The following MBOAT1 variants were observed in gnomAD, a reference collection of about 807,000 sequenced individuals.
The protein encoded by MBOAT1 is membrane bound glycerophospholipid O-acyltransferase 1.
MBOAT1 carries 67 observed loss-of-function variants against 64.4 expected under a neutral mutation model. The observed-to-expected ratio is 1.04, with a 90% confidence interval of 0.85 to 1.27. The LOEUF (loss-of-function observed/expected upper bound fraction) is 1.27. MBOAT1 is among the 50% of genes most tolerant of loss of function. The pLI is 0.00. For synonymous variants in MBOAT1, 229 were observed against 218.9 expected, an observed-to-expected ratio of 1.05 and a Z score of -0.41; for missense variants, 563 against 604.6, an observed-to-expected ratio of 0.93 and a Z score of 0.72.
intron 1 of MBOAT1, among the ~76,000 whole-genome samples, chr6:20,180,675 G>A (rs79074780): frequency 0.059 from 8,925 of 152,198 alleles, 855 homozygotes; most frequent in African/African-American, 0.2. Context: ...AACCTCATGA[G>A]AATTGCTGGA....
chr6:20,119,300 G>A (rs1229072675), intron 8 of MBOAT1, among the ~76,000 whole-genome samples: 2 of 152,140 alleles, frequency 1.3e-5, no homozygotes, highest in South Asian at 4.2e-4. Flanking sequence ...TTCTCCTGCC[G>A]GGAATATTTC....
intron 9 of MBOAT1, 72 bp from the exon 10 acceptor site, chr6:20,115,424 T>C (rs1316611052): frequency 7.9e-7 from 1 of 1,265,892 alleles, no homozygotes; most frequent in African/African-American, 1.5e-5. Context: ...CTCCCCAGTT[T>C]CCCTGGCAGC....
chr6:20,192,142 T>C (rs9460467), intron 1 of MBOAT1, among the ~76,000 whole-genome samples: 10,286 of 152,254 alleles, frequency 0.068, 606 homozygotes, highest in African/African-American at 0.16. Context: ...GTTTACCTGA[T>C]AAAAAGTCAT....
chr6:20,147,638 C>CAA (rs764732647), intron 3 of MBOAT1, among the ~76,000 whole-genome samples: 8 of 96,190 alleles, frequency 8.3e-5, no homozygotes, highest in African/African-American at 1.4e-4. Context: ...AACTCCGTCT[C>CAA]AAAAAAAAAA....
At position 20,111,869 on chromosome 6, in the gene MBOAT1, C is replaced by CGT. The variant is rs1554115582; in HGVS notation, c.1209+1006_1209+1007insAC. On this transcript the variant is annotated intron_variant, in intron 11 of 12. Transcript: ENST00000324607. Reference sequence around the variant, plus strand: ...ATACATATATATATACATATATATACATATATATATGTATATATATATATT... The same window carrying CGT: ...ATACATATATATATACATATATATACGTATATATATATGTATATATATATATT... 1.4e-3 allele frequency among the ~76,000 whole-genome samples: 175 copies of CGT among 124,166 alleles called. 1 individual carries two copies. The highest frequency in any genetic ancestry group is 4.6e-3 in the African/African-American group (117 of 25,594). 81.5% of individuals were successfully genotyped at this position (124,166 alleles called of 152,430 possible). A position where few individuals can be genotyped will look rare whatever the true frequency, so the allele number is the denominator to read the frequency against.
intron 4 of MBOAT1, among the ~76,000 whole-genome samples, chr6:20,137,934 C>T (rs555280935): frequency 1.3e-5 from 2 of 152,134 alleles, no homozygotes; most frequent in Non-Finnish European, 2.9e-5. Flanking sequence ...TGACAAAATC[C>T]GAAACAAGAT....
intron 1 of MBOAT1, among the ~76,000 whole-genome samples, chr6:20,189,272 G>C (rs759997420): frequency 7.2e-5 from 11 of 152,120 alleles, no homozygotes; most frequent in Non-Finnish European, 1.6e-4. Context: ...CTCTTCAGTT[G>C]AATAAAAAAC....
chr6:20,183,726 G>T (rs78833526), intron 1 of MBOAT1, among the ~76,000 whole-genome samples: 2 of 152,162 alleles, frequency 1.3e-5, no homozygotes, highest in East Asian at 1.9e-4. Flanking sequence ...TGCCCAAAAG[G>T]CTTGCCAGCC....
At chr6:20,107,332 A>G (rs1309921215) in intron 12 of MBOAT1, among the ~76,000 whole-genome samples, 2 of 152,118 alleles carry the variant, frequency 1.3e-5, no homozygotes, top group Admixed American at 6.6e-5. Context: ...GGGGGGCTAC[A>G]TGACGGGGCT....
At chr6:20,131,109 A>T in intron 5 of MBOAT1, 35 bp downstream of exon 5, 1 of 1,586,574 alleles carries the variant, frequency 6.3e-7, no homozygotes. Flanking sequence ...TGTCAGGCTC[A>T]CTCTGAGAAC....
At chr6:20,126,031 T>G in intron 7 of MBOAT1, 1 of 282,640 alleles carries the variant, frequency 3.5e-6, no homozygotes, top group South Asian at 3.2e-5. Flanking sequence ...TTTCAAAAAG[T>G]CATCTTAAAT....
chr6:20,127,781 T>C (rs768990263), intron 6 of MBOAT1, among the ~76,000 whole-genome samples: 23 of 152,120 alleles, frequency 1.5e-4, no homozygotes, highest in South Asian at 4.2e-4. Flanking sequence ...GTAATAACAA[T>C]ACAAAGTGCA....
At chr6:20,146,305 C>T (rs9350215) in intron 3 of MBOAT1, among the ~76,000 whole-genome samples, 2 of 152,096 alleles carry the variant, frequency 1.3e-5, no homozygotes, top group Non-Finnish European at 2.9e-5. Context: ...AAAATTCATT[C>T]GGTAGCAAGG....
chr6:20,147,943 C>G (rs558708778), intron 3 of MBOAT1, among the ~76,000 whole-genome samples: 1 of 152,224 alleles, frequency 6.6e-6, no homozygotes, highest in Non-Finnish European at 1.5e-5. Flanking sequence ...GCATTGATAA[C>G]TGCATCACCA....
At chr6:20,107,609 G>T (rs558350511) in intron 12 of MBOAT1, among the ~76,000 whole-genome samples, 1 of 152,288 alleles carries the variant, frequency 6.6e-6, no homozygotes, top group African/African-American at 2.4e-5. Context: ...CCCAGTGAGA[G>T]CAGAAATGAT....
intron 1 of MBOAT1, among the ~76,000 whole-genome samples, chr6:20,159,387 AT>A (rs1278492282): frequency 6.6e-6 from 1 of 152,194 alleles, no homozygotes. Flanking sequence ...CCTAAGTGCC[AT>A]CAAGGGATGA....
At chr6:20,115,804 A>C (rs1760301162) in intron 9 of MBOAT1, among the ~76,000 whole-genome samples, 1 of 152,160 alleles carries the variant, frequency 6.6e-6, no homozygotes, top group Non-Finnish European at 1.5e-5. Context: ...AGTCTTGTGC[A>C]GTTAACTCTA....
chr6:20,102,240 T>C lies in MBOAT1; in HGVS notation c.*46A>G. On this transcript the variant is annotated 3_prime_UTR_variant, in exon 13 of 13. Transcript: ENST00000324607. ...GCCCTTGAAGCCTTGTCATCTCATC[T>C]TTCGAACGTTCTGCAGTTTTGCTTG... The C allele has an allele frequency of 1.9e-6, 3 of 1,596,160 alleles. No individual in the cohort carries two copies. Among genetic ancestry groups the C allele is most frequent in the East Asian group, 2.3e-5 (1 of 44,216 alleles).
At chr6:20,106,232 T>G (rs577312379) in intron 12 of MBOAT1, among the ~76,000 whole-genome samples, 1 of 152,340 alleles carries the variant, frequency 6.6e-6, no homozygotes, top group East Asian at 1.9e-4. Context: ...AAAACACTGT[T>G]TGAGGTGTAA....
Sources: gnomAD v4.1 joint callset for allele counts (sites outside exome capture counted in the v4.1 genomes callset) on GRCh38, gnomAD v4.1.1 for gene constraint, MANE v1.5 for transcripts, NCBI Gene and HGNC (gene_info 2026-07-23, HGNC 2026-07-21) for gene names.